RPL28: variants seen among roughly 807,000 people sequenced by gnomAD.
RPL28 encodes the protein large ribosomal subunit protein eL28.
In RPL28, 4 loss-of-function variants were observed where a neutral mutation model predicts 12.5. The ratio of observed to expected loss-of-function variants is 0.32; its 90% CI spans 0.16 to 0.73. The LOEUF (loss-of-function observed/expected upper bound fraction) is 0.73. Among genes scored for constraint, RPL28 ranks in the 30% least tolerant of loss-of-function variants. The probability of loss-of-function intolerance (pLI) is 0.66; values close to 1 mark genes in which losing one functional copy is unlikely to be tolerated. For synonymous variants in RPL28, 91 were observed against 72.5 expected (o/e 1.26, Z -1.30); for missense variants, 214 against 197.7 (o/e 1.08, Z -0.49).
downstream of RPL28, among the ~76,000 whole-genome samples, chr19:55,394,728 C>T (rs2090011383): frequency 6.6e-6 from 1 of 152,094 alleles, no homozygotes; most frequent in Non-Finnish European, 1.5e-5. Context: ...TGTGCTGCCA[C>T]ACCCAGCTAA....
chr19:55,396,649 T>C (rs1369236671), downstream of RPL28, among the ~76,000 whole-genome samples: 3 of 137,440 alleles, frequency 2.2e-5, no homozygotes, highest in South Asian at 2.5e-4. Flanking sequence ...TGGAGTGCAG[T>C]GGCTCACTGC....
chr19:55,397,225 C>T (rs1201895868), intron 4 of RPL28, among the ~76,000 whole-genome samples: 1 of 152,192 alleles, frequency 6.6e-6, no homozygotes, highest in Non-Finnish European at 1.5e-5. Context: ...GTATGTTTAG[C>T]AGGAGAATTT....
Position 55,386,622 on chromosome 19 carries a change from A to G in RPL28, c.134A>G (p.His45Arg). The change falls in exon 3 of 5, where the codon CAC (histidine) becomes CGC (arginine). Residue 45 changes from histidine to arginine, a missense_variant. His to Arg is a conservative substitution (Grantham distance 29). Coordinates refer to ENST00000344063, the MANE Select transcript of RPL28 (RefSeq NM_000991.5). ...RNSFRYNGLI[H>R]RKTVGVEPAA... ...TCCTTCCGCTACAACGGACTGATTC[A>G]CCGCAAGACTGTGGGCGTGGAGCCG... 1 of 1,613,656 alleles carries G rather than the reference A, an allele frequency of 6.2e-7. No homozygotes were observed. Among genetic ancestry groups the G allele is most frequent in the Non-Finnish European group, 8.5e-7 (1 of 1,179,732 alleles).
downstream of RPL28, among the ~76,000 whole-genome samples, chr19:55,392,847 G>A (rs933405319): frequency 3.3e-5 from 5 of 152,108 alleles, no homozygotes; most frequent in Non-Finnish European, 1.5e-5. Flanking sequence ...ATCTTTTAAT[G>A]TCTTACACAG....
At position 55,389,498 on chromosome 19, in the gene RPL28, A is replaced by G. The variant is rs1212664863; in HGVS notation, c.*1166A>G. Reference sequence around the variant, plus strand: ...TGCCATCCTGGGGTACCCGATTCAAAGAAGGACTCTGCTCCCTGTCTGAGA... The same window carrying G: ...TGCCATCCTGGGGTACCCGATTCAAGGAAGGACTCTGCTCCCTGTCTGAGA... On this transcript the variant is annotated 3_prime_UTR_variant, in exon 5 of 5. Transcript: ENST00000344063. 35 of 985,294 alleles carry G rather than the reference A, an allele frequency of 3.6e-5. 1 individual carries two copies. The highest frequency in any genetic ancestry group is 4.1e-5 in the Non-Finnish European group (34 of 829,944). 61.0% of individuals were successfully genotyped at this position (985,294 alleles called of 1,614,324 possible).
chr19:55,390,846 CGT>C lies in RPL28; in HGVS notation c.*2516_*2517del, dbSNP rs1340297753. 1.0e-6 allele frequency: 1 copy of C among 985,264 alleles called. No homozygotes were observed. The highest frequency in any genetic ancestry group is 1.2e-6 in the Non-Finnish European group (1 of 829,934). The allele number at this position is 985,264 out of a possible 1,614,324, so 61.0% of individuals were successfully genotyped here. ...TGGAGTCCTCAGTGTGCTGAGCAAACGTGGAGACACCATTTCCCTCCTCTAGA... is the reference window on the plus strand; with the variant it reads ...TGGAGTCCTCAGTGTGCTGAGCAAACGGAGACACCATTTCCCTCCTCTAGA... On this transcript the variant is annotated 3_prime_UTR_variant, in exon 5 of 5. Coordinates refer to ENST00000344063, the MANE Select transcript of RPL28 (RefSeq NM_000991.5).
Position 55,402,929 on chromosome 19 carries a change from T to C in RPL28, c.325-14T>C, listed in dbSNP as rs540591127. 4.3e-4 allele frequency: 615 copies of C among 1,427,026 alleles called. 9 individuals are homozygous for C. The Admixed American group carries it at 0.013, about 30-fold the overall frequency. 88.4% of individuals were successfully genotyped at this position (1,427,026 alleles called of 1,614,324 possible). A position where few individuals can be genotyped will look rare whatever the true frequency, so the allele number is the denominator to read the frequency against. On this transcript the variant is annotated splice_polypyrimidine_tract_variant and intron_variant, in intron 4 of 4. Coordinates refer to the RPL28 transcript ENST00000560055. ...GGACTCATTAGAAATTTGGTTAACT[T>C]TTTTTTTTTTCAGCTTGCGGGAAGG... is the stretch of plus-strand genomic sequence containing the variant.
intron 4 of RPL28, among the ~76,000 whole-genome samples, chr19:55,402,505 A>G (rs994193653): frequency 6.6e-6 from 1 of 152,170 alleles, no homozygotes; most frequent in Admixed American, 6.5e-5. Context: ...CCCCAGCTGG[A>G]TCCTCTGAAG....
rs1004130853 is a variant in RPL28, at chr19:55,390,707, C to G, written c.*2375C>G. On this transcript the variant is annotated 3_prime_UTR_variant, in exon 5 of 5. Coordinates refer to ENST00000344063, the MANE Select transcript of RPL28 (RefSeq NM_000991.5). Reference sequence around the variant, plus strand: ...CTGTTCCTGCGGGTGGCCAGCCTGTCTGTGTGGCTGGGCTGGGGAGGCCAC... The same window carrying G: ...CTGTTCCTGCGGGTGGCCAGCCTGTGTGTGTGGCTGGGCTGGGGAGGCCAC... 10 of 985,340 alleles carry G rather than the reference C, an allele frequency of 1.0e-5. No individual in the cohort carries two copies. The highest frequency in any genetic ancestry group is 1.7e-5 in the African/African-American group (1 of 57,228). The allele number at this position is 985,340 out of a possible 1,614,324, so 61.0% of individuals were successfully genotyped here.
At chr19:55,399,506 A>G (rs1318021001) in intron 4 of RPL28, among the ~76,000 whole-genome samples, 1 of 152,204 alleles carries the variant, frequency 6.6e-6, no homozygotes, top group Non-Finnish European at 1.5e-5. Context: ...ACATGGGCAT[A>G]TTAGACAAAT....
At chr19:55,401,992 G>C (rs8104220) in intron 4 of RPL28, among the ~76,000 whole-genome samples, 7,279 of 152,262 alleles carry the variant, frequency 0.048, 582 homozygotes, top group African/African-American at 0.16. Flanking sequence ...CGATGCCATA[G>C]GCCCAATGGT....
intron 4 of RPL28, chr19:55,401,116 CAA>C (rs1330681280): frequency 2.4e-6 from 1 of 418,178 alleles, no homozygotes; most frequent in African/African-American, 2.1e-5. Flanking sequence ...CTCCACAGAA[CAA>C]AGAGGTGGAC....
rs1393856053 is a variant in RPL28, at chr19:55,389,427, C to T, written c.*1095C>T. The T allele has an allele frequency of 1.0e-6, 1 of 985,312 alleles. No homozygotes were observed. Among genetic ancestry groups the T allele is most frequent in the Non-Finnish European group, 1.2e-6 (1 of 829,956 alleles). The allele number at this position is 985,312 out of a possible 1,614,324, so 61.0% of individuals were successfully genotyped here. A position where few individuals can be genotyped will look rare whatever the true frequency, so the allele number is the denominator to read the frequency against. ...TTCCTGGGCACCTAACTCTGTCAGCCACTGCCAGGGACCAAGGATCCAGCA... is the reference window on the plus strand; with the variant it reads ...TTCCTGGGCACCTAACTCTGTCAGCTACTGCCAGGGACCAAGGATCCAGCA... On this transcript the variant is annotated 3_prime_UTR_variant, in exon 5 of 5. Coordinates refer to ENST00000344063, the MANE Select transcript of RPL28 (RefSeq NM_000991.5).
intron 4 of RPL28, chr19:55,401,868 T>C (rs1213752057): frequency 8.2e-7 from 1 of 1,221,874 alleles, no homozygotes; most frequent in African/African-American, 1.5e-5. Context: ...TGCTCCCAAC[T>C]CAGCTGCAGA....
chr19:55,388,217 G>C (rs768620902), intron 4 of RPL28, 26 bp from the exon 5 acceptor site: 14 of 1,518,730 alleles, frequency 9.2e-6, no homozygotes, highest in Non-Finnish European at 1.2e-5. Flanking sequence ...TATGGGCTGA[G>C]CCTTGCTCTG....
chr19:55,389,440 C>G lies in RPL28; in HGVS notation c.*1108C>G, dbSNP rs879588515. 14 of 985,284 alleles carry G rather than the reference C, an allele frequency of 1.4e-5. No individual in the cohort carries two copies. Among genetic ancestry groups the G allele is most frequent in the Non-Finnish European group, 1.6e-5 (13 of 829,944 alleles). The allele number at this position is 985,284 out of a possible 1,614,324, so 61.0% of individuals were successfully genotyped here. A position where few individuals can be genotyped will look rare whatever the true frequency, so the allele number is the denominator to read the frequency against. On this transcript the variant is annotated 3_prime_UTR_variant, in exon 5 of 5. Transcript: ENST00000344063. ...AACTCTGTCAGCCACTGCCAGGGAC[C>G]AAGGATCCAGCATCCATGGCACCCC...
At position 55,389,305 on chromosome 19, in the gene RPL28, G is replaced by T; in HGVS notation, c.*973G>T. ...AGCCAAGAGTATGAGGCTGCAGTGA[G>T]CCCATGAGCCCCACCACTACACTCC... On this transcript the variant is annotated 3_prime_UTR_variant, in exon 5 of 5. Coordinates refer to ENST00000344063, the MANE Select transcript of RPL28 (RefSeq NM_000991.5). The T allele has an allele frequency of 2.1e-6, 2 of 962,160 alleles. No homozygotes were observed. The highest frequency in any genetic ancestry group is 2.5e-6 in the Non-Finnish European group (2 of 808,756). 59.6% of individuals were successfully genotyped at this position (962,160 alleles called of 1,614,324 possible). A position where few individuals can be genotyped will look rare whatever the true frequency, so the allele number is the denominator to read the frequency against.
rs1240160376 is a variant in RPL28, at chr19:55,389,143, G to A, written c.*811G>A. ...CCTAGTGTTTATTACAGCTTGTGAG[G>A]CCAGGAGTTTGAGACCATCCTAGGC... is the stretch of plus-strand genomic sequence containing the variant. On this transcript the variant is annotated 3_prime_UTR_variant, in exon 5 of 5. Coordinates refer to ENST00000344063, the MANE Select transcript of RPL28 (RefSeq NM_000991.5). 2.0e-6 allele frequency: 2 copies of A among 985,212 alleles called. No homozygotes were observed. The highest frequency in any genetic ancestry group is 2.4e-6 in the Non-Finnish European group (2 of 829,790). The allele number at this position is 985,212 out of a possible 1,614,324, so 61.0% of individuals were successfully genotyped here. A position where few individuals can be genotyped will look rare whatever the true frequency, so the allele number is the denominator to read the frequency against.
rs117476010 is a variant in RPL28 at position 55,399,557 on chromosome 19, C to T, written c.325-3386C>T. Among the ~76,000 whole-genome samples the T allele has an allele frequency of 7.6e-3, 1,156 of 152,300 alleles. 7 individuals carry two copies. Among genetic ancestry groups the T allele is most frequent in the Non-Finnish European group, 0.013 (878 of 68,034 alleles). On this transcript the variant is annotated intron_variant, in intron 4 of 4. Transcript: ENST00000560055. Reference sequence around the variant, plus strand: ...ATTGACCTCAACCTTCAGCCCCTCTCTTCCCAGAGGTTGGTAGGTATGGGT... The same window carrying T: ...ATTGACCTCAACCTTCAGCCCCTCTTTTCCCAGAGGTTGGTAGGTATGGGT...
Sources: gnomAD v4.1 joint callset for allele counts (sites outside exome capture counted in the v4.1 genomes callset) on GRCh38, gnomAD v4.1.1 for gene constraint, MANE v1.5 for transcripts, NCBI Gene and HGNC (gene_info 2026-07-23, HGNC 2026-07-21) for gene names.